The following DLG1 variants were observed in gnomAD, a reference collection of about 807,000 sequenced individuals.
The protein encoded by DLG1 is discs large MAGUK scaffold protein 1, also known as disks large homolog 1.
A neutral mutation model predicts 123.4 loss-of-function variants in DLG1; 42 were observed. That is an observed-to-expected ratio of 0.34 (90% confidence interval 0.27 to 0.44). The LOEUF (loss-of-function observed/expected upper bound fraction) is 0.44. DLG1 is among the 20% of genes least tolerant of loss of function. The pLI is 1.00. For synonymous variants in DLG1, 317 were observed against 356.2 expected, an observed-to-expected ratio of 0.89 and a Z score of 1.24; for missense variants, 942 against 1,082.6, an observed-to-expected ratio of 0.87 and a Z score of 1.82.
intron 5 of DLG1, among the ~76,000 whole-genome samples, chr3:197,158,895 A>G (rs1160334742): frequency 6.6e-6 from 1 of 152,202 alleles, no homozygotes; most frequent in Non-Finnish European, 1.5e-5. Context: ...ATAGCTTTTC[A>G]GAACTGATAG....
intron 4 of DLG1, among the ~76,000 whole-genome samples, chr3:197,195,353 A>G (rs541477570): frequency 6.6e-6 from 1 of 152,106 alleles, no homozygotes; most frequent in Non-Finnish European, 1.5e-5. Context: ...ATGGGTCAGT[A>G]CCCAGCAATC....
intron 14 of DLG1, among the ~76,000 whole-genome samples, chr3:197,095,356 G>A (rs1343838664): frequency 2.0e-5 from 3 of 151,940 alleles, no homozygotes; most frequent in Non-Finnish European, 1.5e-5. Flanking sequence ...CCATTTCAAA[G>A]TCATTTGTTG....
At chr3:197,157,363 T>C (rs1390405035) in intron 5 of DLG1, among the ~76,000 whole-genome samples, 3 of 152,190 alleles carry the variant, frequency 2.0e-5, no homozygotes, top group Non-Finnish European at 2.9e-5. Flanking sequence ...CAAAAATCAG[T>C]TGTATTTCTT....
At chr3:197,049,613 A>G (rs559983386) in intron 24 of DLG1, among the ~76,000 whole-genome samples, 53 of 152,230 alleles carry the variant, frequency 3.5e-4, no homozygotes, top group African/African-American at 1.3e-3. Context: ...TTAGCTGGGC[A>G]TGGTGGCACA....
intron 11 of DLG1, among the ~76,000 whole-genome samples, chr3:197,120,915 TC>T (rs1262244662): frequency 6.6e-6 from 1 of 152,172 alleles, no homozygotes. Context: ...TCCTGGGTGG[TC>T]AGTAAGAATA....
At chr3:197,205,843 T>C (rs1333954047) in intron 4 of DLG1, among the ~76,000 whole-genome samples, 2 of 152,202 alleles carry the variant, frequency 1.3e-5, no homozygotes, top group Non-Finnish European at 2.9e-5. Context: ...TTCCAGTTTC[T>C]GGGGACTGTC....
At chr3:197,247,360 G>C (rs967107062) in intron 4 of DLG1, among the ~76,000 whole-genome samples, 4 of 152,084 alleles carry the variant, frequency 2.6e-5, no homozygotes, top group African/African-American at 9.7e-5. Context: ...CACTTGGGGC[G>C]GGGGATTTGG....
At chr3:197,166,730 A>G (rs1801625554) in intron 5 of DLG1, among the ~76,000 whole-genome samples, 1 of 152,084 alleles carries the variant, frequency 6.6e-6, no homozygotes, top group Non-Finnish European at 1.5e-5. Context: ...TCTCTACTAA[A>G]AATACAAAAA....
At chr3:197,192,832 C>G (rs149955532) in intron 5 of DLG1, among the ~76,000 whole-genome samples, 81 of 151,940 alleles carry the variant, frequency 5.3e-4, no homozygotes, top group Non-Finnish European at 7.9e-4. Flanking sequence ...GAAATTGACA[C>G]TTTTGGCAAG....
intron 8 of DLG1, among the ~76,000 whole-genome samples, chr3:197,139,700 T>C (rs940128561): frequency 4.6e-5 from 7 of 152,200 alleles, no homozygotes; most frequent in Non-Finnish European, 1.0e-4. Flanking sequence ...TGATCCTCTA[T>C]CCTCCGTATC....
intron 1 of DLG1, chr3:197,298,293 G>A (rs1429412625): frequency 2.6e-6 from 1 of 384,690 alleles, no homozygotes; most frequent in East Asian, 3.7e-5. Flanking sequence ...AGGGGTACCC[G>A]GGGAGCATCC....
chr3:197,191,381 T>A (rs1719453393), intron 5 of DLG1, among the ~76,000 whole-genome samples: 1 of 152,148 alleles, frequency 6.6e-6, no homozygotes. Context: ...AACGGAAAGC[T>A]GAGGTTTCAT....
chr3:197,198,326 C>T (rs1016485951), intron 4 of DLG1, among the ~76,000 whole-genome samples: 7 of 151,452 alleles, frequency 4.6e-5, no homozygotes, highest in South Asian at 2.1e-4. Flanking sequence ...CGTCTCTACT[C>T]AAAATACAAA....
chr3:197,109,447 T>C (rs1218282202), intron 13 of DLG1, among the ~76,000 whole-genome samples: 1 of 152,258 alleles, frequency 6.6e-6, no homozygotes, highest in African/African-American at 2.4e-5. Context: ...ATATTAATTT[T>C]ATGTTTATAC....
At chr3:197,194,624 A>G in intron 4 of DLG1, 35 bp from the exon 5 acceptor site, 5 of 1,484,714 alleles carry the variant, frequency 3.4e-6, no homozygotes, top group African/African-American at 1.4e-5. Context: ...AGCCCTGATA[A>G]GCAACATGAG....
At chr3:197,223,633 T>C (rs1283642797) in intron 4 of DLG1, among the ~76,000 whole-genome samples, 1 of 152,200 alleles carries the variant, frequency 6.6e-6, no homozygotes, top group Non-Finnish European at 1.5e-5. Context: ...TTAATTGACA[T>C]TAGAAGTACT....
intron 1 of DLG1, 113 bp downstream of exon 1, chr3:197,298,423 C>T (rs1222262478): frequency 7.5e-6 from 3 of 398,638 alleles, no homozygotes; most frequent in Admixed American, 4.4e-5. Flanking sequence ...TTTACCTTGC[C>T]CTAGCCCACC....
chr3:197,288,665 G>A (rs1221178801), intron 3 of DLG1, among the ~76,000 whole-genome samples: 1 of 144,660 alleles, frequency 6.9e-6, no homozygotes, highest in African/African-American at 2.5e-5. Context: ...AGGTTGTGGT[G>A]AGCTGAGATC....
chr3:197,293,583 C>T (rs1170376442), intron 3 of DLG1, among the ~76,000 whole-genome samples: 1 of 151,700 alleles, frequency 6.6e-6, no homozygotes, highest in East Asian at 2.0e-4. Flanking sequence ...GTACAGGAAC[C>T]TAATCTATGT....
Sources: allele counts gnomAD v4.1 joint callset (sites outside exome capture counted in the v4.1 genomes callset), GRCh38; gene constraint gnomAD v4.1.1; transcripts MANE v1.5; gene names NCBI Gene and HGNC (gene_info 2026-07-23, HGNC 2026-07-21).